Variants in CDKAL1 observed in about 807,000 individuals in gnomAD.
CDKAL1 encodes threonylcarbamoyladenosine tRNA methylthiotransferase.
In CDKAL1, 32 loss-of-function variants were observed where a neutral mutation model predicts 68.2. The observed-to-expected ratio is 0.47, with a 90% CI of 0.35 to 0.63. CDKAL1 has a LOEUF of 0.63. Ranked by LOEUF, CDKAL1 falls within the 30% of genes least tolerant of loss-of-function variation. The pLI is 0.00. For synonymous variants in CDKAL1, 234 were observed against 244.3 expected (o/e 0.96, Z 0.39); for missense variants, 606 against 696.7 (o/e 0.87, Z 1.47).
intron 8 of CDKAL1, among the ~76,000 whole-genome samples, chr6:20,815,141 G>T (rs1205188540): frequency 6.6e-6 from 1 of 152,132 alleles, no homozygotes; most frequent in Non-Finnish European, 1.5e-5. Flanking sequence ...CTTTATTTTG[G>T]CCAGAAGCAA....
intron 5 of CDKAL1, among the ~76,000 whole-genome samples, chr6:20,728,572 TG>T (rs1412935392): frequency 6.6e-6 from 1 of 152,200 alleles, no homozygotes; most frequent in Non-Finnish European, 1.5e-5. Context: ...ATTATTATAT[TG>T]AAGCAAAGGA....
intron 9 of CDKAL1, among the ~76,000 whole-genome samples, chr6:20,888,039 T>A (rs1484430100): frequency 4.0e-5 from 6 of 150,142 alleles, no homozygotes; most frequent in East Asian, 4.1e-4. Context: ...GGTTTGTTAC[T>A]CATGTATACG....
At chr6:21,167,383 G>T (rs1777194384) in intron 13 of CDKAL1, among the ~76,000 whole-genome samples, 1 of 152,132 alleles carries the variant, frequency 6.6e-6, no homozygotes, top group African/African-American at 2.4e-5. Flanking sequence ...ATGAACTATG[G>T]CAGGACTGTT....
At chr6:20,682,955 T>C (rs1055398977) in intron 5 of CDKAL1, among the ~76,000 whole-genome samples, 76 of 141,754 alleles carry the variant, frequency 5.4e-4, no homozygotes, top group African/African-American at 1.4e-3. Context: ...TTCTTTCTTT[T>C]TTTTTTTTTT....
intron 13 of CDKAL1, among the ~76,000 whole-genome samples, chr6:21,179,145 T>C (rs575287842): frequency 3.0e-4 from 45 of 152,316 alleles, no homozygotes; most frequent in Non-Finnish European, 5.3e-4. Flanking sequence ...GTCACCTCTT[T>C]TCAGGGTGAG....
intron 4 of CDKAL1, among the ~76,000 whole-genome samples, chr6:20,617,672 GT>G (rs1388439656): frequency 6.6e-6 from 1 of 152,024 alleles, no homozygotes; most frequent in African/African-American, 2.4e-5. Context: ...GCGGTGTTTG[GT>G]TTTCTGTCTT....
Position 20,739,602 on chromosome 6 carries a change from T to A in CDKAL1, c.455T>A (p.Leu152Gln), listed in dbSNP as rs371654479. 37 of 1,604,936 alleles carry A rather than the reference T, an allele frequency of 2.3e-5. No individual in the cohort carries two copies. Among genetic ancestry groups the A allele is most frequent in the Admixed American group, 1.7e-5 (1 of 59,592 alleles). Residue 152 changes from leucine to glutamine, a missense_variant, in exon 6 of 16, where the codon CTG (leucine) becomes CAG (glutamine). By Grantham distance (113) the Leu-to-Gln change is moderately radical (BLOSUM62 -2). Transcript: ENST00000274695. ...AQPRQDYLKG[L>Q]SIIGVQQIDR... ...CCTCGCCAGGACTACCTTAAGGGAC[T>A]GAGTATCATTGGGGTAAGCTTGTAC...
intron 8 of CDKAL1, among the ~76,000 whole-genome samples, chr6:20,831,286 A>G (rs1777706121): frequency 6.6e-6 from 1 of 152,158 alleles, no homozygotes; most frequent in Admixed American, 6.5e-5. Context: ...TTCACTGCAA[A>G]CAGTCGTCAA....
At chr6:20,847,418 G>C (rs1259293184) in intron 9 of CDKAL1, among the ~76,000 whole-genome samples, 1 of 152,096 alleles carries the variant, frequency 6.6e-6, no homozygotes, top group African/African-American at 2.4e-5. Flanking sequence ...ATTAGTGTTT[G>C]TTTTTCCATG....
chr6:21,222,723 A>G (rs1243166673), intron 15 of CDKAL1, among the ~76,000 whole-genome samples: 1 of 152,104 alleles, frequency 6.6e-6, no homozygotes, highest in African/African-American at 2.4e-5. Context: ...TGTCAATTCA[A>G]GGAAGGGAGC....
intron 15 of CDKAL1, among the ~76,000 whole-genome samples, chr6:21,212,527 T>C (rs906219433): frequency 3.3e-5 from 5 of 152,216 alleles, no homozygotes; most frequent in Non-Finnish European, 7.3e-5. Context: ...TAGTTTCCCT[T>C]CTCACTTTCT....
At chr6:20,679,952 A>G (rs928338070) in intron 5 of CDKAL1, among the ~76,000 whole-genome samples, 11 of 151,528 alleles carry the variant, frequency 7.3e-5, no homozygotes, top group Non-Finnish European at 1.0e-4. Context: ...TATTGTTTCT[A>G]TTTATTTTTA....
intron 5 of CDKAL1, among the ~76,000 whole-genome samples, chr6:20,720,121 T>G (rs1324309767): frequency 6.6e-6 from 1 of 152,150 alleles, no homozygotes; most frequent in Non-Finnish European, 1.5e-5. Context: ...TTGGCTTCCT[T>G]ATGGCATAGG....
intron 7 of CDKAL1, among the ~76,000 whole-genome samples, chr6:20,778,995 TC>T (rs1462228466): frequency 6.6e-6 from 1 of 152,156 alleles, no homozygotes; most frequent in Non-Finnish European, 1.5e-5. Context: ...GTCATAACAT[TC>T]TACTGAATAA....
intron 9 of CDKAL1, among the ~76,000 whole-genome samples, chr6:20,942,851 A>G (rs1479473871): frequency 6.8e-6 from 1 of 147,842 alleles, no homozygotes; most frequent in African/African-American, 2.5e-5. Context: ...GCTACTTGGG[A>G]GGCTGAGGCA....
At chr6:20,612,251 T>C (rs991199415) in intron 4 of CDKAL1, among the ~76,000 whole-genome samples, 1 of 152,204 alleles carries the variant, frequency 6.6e-6, no homozygotes, top group African/African-American at 2.4e-5. Flanking sequence ...GATTTTTTTT[T>C]CCTTTGGATA....
At chr6:21,199,031 CATT>C (rs1778584411) in intron 14 of CDKAL1, among the ~76,000 whole-genome samples, 1 of 152,216 alleles carries the variant, frequency 6.6e-6, no homozygotes, top group Non-Finnish European at 1.5e-5. Context: ...TTTCACTGAT[CATT>C]CTGGATTGTA....
chr6:20,757,421 T>C (rs937600829), intron 6 of CDKAL1, among the ~76,000 whole-genome samples: 1 of 152,088 alleles, frequency 6.6e-6, no homozygotes, highest in African/African-American at 2.4e-5. Context: ...AGACTGACAA[T>C]ATATAGAAAA....
intron 12 of CDKAL1, among the ~76,000 whole-genome samples, chr6:21,068,676 G>A (rs779376365): frequency 1.3e-5 from 2 of 151,982 alleles, no homozygotes; most frequent in South Asian, 2.1e-4. Context: ...TTTCAATGTC[G>A]TATTTTTCTT....
Sources: gnomAD v4.1 joint callset for allele counts (sites outside exome capture counted in the v4.1 genomes callset) on GRCh38, gnomAD v4.1.1 for gene constraint, MANE v1.5 for transcripts, NCBI Gene and HGNC (gene_info 2026-07-23, HGNC 2026-07-21) for gene names.